The following FRMD1 variants were observed in gnomAD, a reference collection of about 807,000 sequenced individuals.
FRMD1 encodes FERM domain-containing protein 1.
Under a neutral mutation model 54.9 loss-of-function variants are expected in FRMD1, and 51 were observed. The ratio of observed to expected loss-of-function variants is 0.93; its 90% CI spans 0.74 to 1.17. The LOEUF (loss-of-function observed/expected upper bound fraction) is 1.17, where lower values mean the gene tolerates loss of function less well. FRMD1 is among the 50% of genes most tolerant of loss of function. The pLI is 0.00. For missense variants in FRMD1, 729 were observed against 743.0 expected, an observed-to-expected ratio of 0.98 and a Z score of 0.22; for synonymous variants, 324 against 306.4, an observed-to-expected ratio of 1.06 and a Z score of -0.60.
chr6:168,070,400 G>T (rs1800250940), intron 2 of FRMD1, among the ~76,000 whole-genome samples: 1 of 146,760 alleles, frequency 6.8e-6, no homozygotes, highest in African/African-American at 2.5e-5. Flanking sequence ...AGGGAGGGAG[G>T]GAGGGAGACA....
At chr6:168,080,480 C>G (rs1389917177), upstream of FRMD1, among the ~76,000 whole-genome samples, 1 of 152,138 alleles carries the variant, frequency 6.6e-6, no homozygotes, top group Admixed American at 6.5e-5. Flanking sequence ...CCCCAGAGAG[C>G]AGAGGCTGGA....
At position 168,064,986 on chromosome 6, in the gene FRMD1, C is replaced by T. The variant is rs753465004; in HGVS notation, c.533G>A (p.Arg178Gln). 19 of 1,611,876 alleles carry T rather than the reference C, an allele frequency of 1.2e-5. No homozygotes were observed. The highest frequency in any genetic ancestry group is 1.7e-4 in the Middle Eastern group (1 of 6,056). ...ERVLRSQCAH[R>Q]EEAYFLLAAC... Reference sequence around the variant, plus strand: ...AGCCAGCAGGAAGTAGGCTTCCTCCCGGTGAGCGCACTGTGACCTCAGCAC... The same window carrying T: ...AGCCAGCAGGAAGTAGGCTTCCTCCTGGTGAGCGCACTGTGACCTCAGCAC... Residue 178 changes from arginine to glutamine, a missense_variant, in exon 5 of 11, where the codon CGG becomes CAG. Arg to Gln is a conservative substitution (Grantham distance 43). Transcript: ENST00000283309.
intron 2 of FRMD1, among the ~76,000 whole-genome samples, chr6:168,068,371 T>A (rs1800146946): frequency 6.6e-6 from 1 of 152,200 alleles, no homozygotes; most frequent in Non-Finnish European, 1.5e-5. Context: ...CTGCTGCGAC[T>A]TAAAGCAACG....
intron 7 of FRMD1, chr6:168,062,593 A>C: frequency 7.1e-7 from 1 of 1,404,696 alleles, no homozygotes; most frequent in Admixed American, 2.1e-5. Context: ...CGGGTGCAGA[A>C]TTGTCCAGAA....
chr6:168,076,504 A>G lies in FRMD1; in HGVS notation c.214-1169T>C, dbSNP rs138952777. On this transcript the variant is annotated intron_variant, in intron 1 of 10. Coordinates refer to ENST00000283309, the MANE Select transcript of FRMD1 (RefSeq NM_024919.6). ...GGGGTGGTTCCCCCATCCAGTTCTCATGATAGTGAGAGAGTTCTCATGAGA... is the reference window on the plus strand; with the variant it reads ...GGGGTGGTTCCCCCATCCAGTTCTCGTGATAGTGAGAGAGTTCTCATGAGA... Among the ~76,000 whole-genome samples the G allele has an allele frequency of 3.3e-3, 498 of 152,260 alleles. 6 individuals are homozygous for G. Among genetic ancestry groups the G allele is most frequent in the African/African-American group, 0.012 (482 of 41,550 alleles).
At chr6:168,078,742 C>G (rs1800717417) in intron 1 of FRMD1, 140 bp downstream of exon 1, 1 of 1,278,006 alleles carries the variant, frequency 7.8e-7, no homozygotes. Context: ...ACCCCCATGG[C>G]TCTGTTTACT....
chr6:168,058,257 T>C (rs1362370143), intron 10 of FRMD1, among the ~76,000 whole-genome samples: 2 of 137,738 alleles, frequency 1.5e-5, no homozygotes, highest in South Asian at 2.5e-4. Flanking sequence ...CCAGCCCTGT[T>C]CTCTCTCCAT....
chr6:168,060,754 G>T lies in FRMD1; in HGVS notation c.1342+7C>A. ...CCCTGAGGCCTGGGCATCTCCCTCGGGCCCACCTTGGCTGTCACCACGTGT... is the reference window on the plus strand; with the variant it reads ...CCCTGAGGCCTGGGCATCTCCCTCGTGCCCACCTTGGCTGTCACCACGTGT... On this transcript the variant is annotated splice_region_variant and intron_variant, in intron 9 of 10. Transcript: ENST00000283309. 6.2e-7 allele frequency: 1 copy of T among 1,603,596 alleles called. No individual in the cohort carries two copies. The highest frequency in any genetic ancestry group is 8.5e-7 in the Non-Finnish European group (1 of 1,173,212).
At chr6:168,092,726 C>G (rs1335247703) in intron 1 of FRMD1, among the ~76,000 whole-genome samples, 9 of 152,208 alleles carry the variant, frequency 5.9e-5, no homozygotes, top group Admixed American at 5.9e-4. Flanking sequence ...TGTTTAAGCT[C>G]CTGGTCTGTG....
chr6:168,081,212 G>T, upstream of FRMD1: 1 of 732,900 alleles, frequency 1.4e-6, no homozygotes, highest in Non-Finnish European at 2.0e-6. Flanking sequence ...TCCAAGGCAA[G>T]GGTGGTCGCC....
chr6:168,057,291 G>C lies in FRMD1; in HGVS notation c.1456C>G (p.Leu486Val), dbSNP rs1368778717. The C allele has an allele frequency of 1.9e-6, 3 of 1,612,222 alleles. No individual in the cohort carries two copies. The African/African-American group carries it at 4.0e-5, about 22-fold the overall frequency. Residue 486 changes from leucine to valine, a missense_variant, in exon 11 of 11, where the codon CTG (leucine) becomes GTG (valine). Physicochemically the swap from Leu to Val is conservative, Grantham distance 32. Transcript: ENST00000283309. Reference sequence around the variant, plus strand: ...AGCTGGTGCAGCTGCATGTCGTCCAGGCCATGGCTGTGCTGCTCCTCACTG... The same window carrying C: ...AGCTGGTGCAGCTGCATGTCGTCCACGCCATGGCTGTGCTGCTCCTCACTG... Reference protein sequence around the residue: ...GVSEEQHSHGLDDMQLHQLAL... With the variant: ...GVSEEQHSHGVDDMQLHQLAL...
intron 2 of FRMD1, among the ~76,000 whole-genome samples, chr6:168,073,484 C>T (rs892609507): frequency 6.6e-6 from 1 of 152,130 alleles, no homozygotes; most frequent in Admixed American, 6.5e-5. Context: ...GGTCCTCCTT[C>T]CACACCGCCC....
At chr6:168,081,402 G>A (rs986052015), upstream of FRMD1, 96 of 1,535,408 alleles carry the variant, frequency 6.3e-5, no homozygotes, top group Non-Finnish European at 7.2e-5. Context: ...GGCCTGCCAC[G>A]TTCGTGATGT....
rs1212498537 is a variant in FRMD1, at chr6:168,060,811, G to A, written c.1292C>T (p.Ser431Phe). Residue 431 changes from serine (S) to phenylalanine (F), a missense_variant, in exon 9 of 11, where the codon TCC becomes TTC. Transcript: ENST00000283309. Reference protein sequence around the residue: ...VHGLHEKEPSSSPRTSRSHPS... With the variant: ...VHGLHEKEPSFSPRTSRSHPS... The stretch of plus-strand genomic sequence containing the variant: ...GTGGCTGCGGCTGGTCCTGGGGCTG[G>A]AGGACGGCTCCTTCTCATGGAGCCC... The A allele has an allele frequency of 5.6e-6, 9 of 1,613,094 alleles. No homozygotes were observed. Among genetic ancestry groups the A allele is most frequent in the Non-Finnish European group, 7.6e-6 (9 of 1,179,648 alleles).
chr6:168,063,034 T>A, intron 6 of FRMD1, 75 bp from the exon 7 acceptor site: 2 of 1,299,914 alleles, frequency 1.5e-6, no homozygotes, highest in Non-Finnish European at 2.2e-6. Context: ...GTATGGTCAG[T>A]CTGGCTAGGG....
chr6:168,065,220 G>C lies in FRMD1; in HGVS notation c.462-163C>G, dbSNP rs188145924. The C allele has an allele frequency of 6.1e-4, 863 of 1,414,136 alleles. 3 individuals carry two copies. The Middle Eastern group carries it at 7.6e-3, about 12-fold the overall frequency. 87.6% of individuals were successfully genotyped at this position (1,414,136 alleles called of 1,614,324 possible). A position where few individuals can be genotyped will look rare whatever the true frequency, so the allele number is the denominator to read the frequency against. ...CCACAGCTGTGTCCCTGCAGGGCCA[G>C]CACGGCACAGGCCCACACTCTTCCT... On this transcript the variant is annotated intron_variant, in intron 4 of 10. Coordinates refer to ENST00000283309, the MANE Select transcript of FRMD1 (RefSeq NM_024919.6).
intron 1 of FRMD1, chr6:168,075,848 G>A: frequency 3.9e-6 from 6 of 1,523,900 alleles, no homozygotes; most frequent in East Asian, 2.5e-5. Context: ...TGTTTCCGGC[G>A]TCCCGTGTCC....
At chr6:168,076,417 T>C (rs563169135) in intron 1 of FRMD1, among the ~76,000 whole-genome samples, 1 of 152,372 alleles carries the variant, frequency 6.6e-6, no homozygotes, top group South Asian at 2.1e-4. Context: ...GCATCTTGAA[T>C]TGTAGTTCTC....
At chr6:168,074,656 T>C (rs868071481) in intron 2 of FRMD1, among the ~76,000 whole-genome samples, 3 of 150,196 alleles carry the variant, frequency 2.0e-5, no homozygotes, top group Non-Finnish European at 3.0e-5. Context: ...TGTGTGCATG[T>C]GTGTGGTGTA....
Sources: gnomAD v4.1 joint callset for allele counts (sites outside exome capture counted in the v4.1 genomes callset) on GRCh38, gnomAD v4.1.1 for gene constraint, MANE v1.5 for transcripts, NCBI Gene and HGNC (gene_info 2026-07-23, HGNC 2026-07-21) for gene names.